Variants in UGT1A8 observed in about 807,000 individuals in gnomAD.
UGT1A8 encodes UDP-glucuronosyltransferase 1A8.
Under a neutral mutation model 45.3 loss-of-function variants are expected in UGT1A8, and 39 were observed. The observed-to-expected ratio is 0.86, with a 90% CI of 0.67 to 1.12. UGT1A8 has a LOEUF of 1.12. Among genes scored for constraint, UGT1A8 ranks in the 50% most tolerant of loss-of-function variants. The probability of loss-of-function intolerance (pLI) is 0.00; values close to 1 mark genes in which losing one functional copy is unlikely to be tolerated. For missense variants in UGT1A8, 719 were observed against 664.9 expected (o/e 1.08, Z -0.90); for synonymous variants, 275 against 249.2 (o/e 1.10, Z -0.97).
At chr2:233,652,464 C>A (rs189975849) in intron 1 of UGT1A8, among the ~76,000 whole-genome samples, 10 of 151,892 alleles carry the variant, frequency 6.6e-5, no homozygotes, top group Non-Finnish European at 1.0e-4. Context: ...CATTCTATCC[C>A]CAAATACTTC....
intron 1 of UGT1A8, among the ~76,000 whole-genome samples, chr2:233,763,357 C>G (rs1698288561): frequency 6.6e-6 from 1 of 152,176 alleles, no homozygotes; most frequent in Non-Finnish European, 1.5e-5. Flanking sequence ...ATCTTTAGTA[C>G]TCCTTTGTCT....
At chr2:233,709,335 C>T (rs1308600702) in intron 1 of UGT1A8, among the ~76,000 whole-genome samples, 1 of 152,154 alleles carries the variant, frequency 6.6e-6, no homozygotes, top group African/African-American at 2.4e-5. Flanking sequence ...ACTAGTTTGT[C>T]ATATAAACCT....
chr2:233,768,154 C>T (rs767452412), intron 3 of UGT1A8, 66 bp from the exon 4 acceptor site: 203 of 1,612,642 alleles, frequency 1.3e-4, no homozygotes, highest in Non-Finnish European at 1.7e-4. Flanking sequence ...TTTTCAGAAC[C>T]TAGATGTGTC....
chr2:233,770,293 A>G (rs1284543381), intron 4 of UGT1A8: 4 of 152,108 alleles, frequency 2.6e-5, no homozygotes, highest in African/African-American at 9.7e-5. Flanking sequence ...GAAGTGGAAA[A>G]TTTTCAAACA....
intron 1 of UGT1A8, among the ~76,000 whole-genome samples, chr2:233,763,126 A>G (rs1210244781): frequency 2.0e-5 from 3 of 152,250 alleles, no homozygotes. Flanking sequence ...CCTTTCTGGC[A>G]TTTATTGATA....
chr2:233,619,483 G>T (rs879845433), intron 1 of UGT1A8, among the ~76,000 whole-genome samples: 2 of 152,032 alleles, frequency 1.3e-5, no homozygotes, highest in Non-Finnish European at 2.9e-5. Flanking sequence ...GGGTTAGAGG[G>T]TTTTCCTGAA....
At chr2:233,680,881 G>A (rs1321743008) in intron 1 of UGT1A8, among the ~76,000 whole-genome samples, 2 of 152,008 alleles carry the variant, frequency 1.3e-5, no homozygotes, top group East Asian at 1.9e-4. Context: ...CAAGCATAGG[G>A]ACGGCGACTC....
At chr2:233,765,745 A>G (rs554567026) in intron 1 of UGT1A8, among the ~76,000 whole-genome samples, 1 of 151,724 alleles carries the variant, frequency 6.6e-6, no homozygotes, top group Non-Finnish European at 1.5e-5. Context: ...AAACCCATAA[A>G]GCCATTTGAG....
intron 1 of UGT1A8, among the ~76,000 whole-genome samples, chr2:233,643,995 C>T (rs566871285): frequency 2.6e-5 from 4 of 152,272 alleles, no homozygotes; most frequent in Admixed American, 2.0e-4. Context: ...TTTGGAGCCG[C>T]AAGCTGTGCA....
At chr2:233,668,301 C>CA (rs1328734524) in intron 1 of UGT1A8, among the ~76,000 whole-genome samples, 5 of 152,118 alleles carry the variant, frequency 3.3e-5, no homozygotes, top group African/African-American at 1.2e-4. Flanking sequence ...TGAGAACATG[C>CA]AATGTTTGGT....
chr2:233,654,757 T>A (rs1575403865), intron 1 of UGT1A8, among the ~76,000 whole-genome samples: 1 of 152,160 alleles, frequency 6.6e-6, no homozygotes, highest in East Asian at 1.9e-4. Flanking sequence ...TTGAACAGAC[T>A]GTTTTAGACC....
At chr2:233,747,282 GC>G in intron 1 of UGT1A8, 1 of 1,600,800 alleles carries the variant, frequency 6.2e-7, no homozygotes, top group Non-Finnish European at 8.5e-7. Context: ...TCAGTGCCCA[GC>G]CCTGGGCTGA....
rs934551202 is a variant in UGT1A8 at position 233,699,876 on chromosome 2, G to A, written c.856-67158G>A. On this transcript the variant is annotated intron_variant, in intron 1 of 4. Coordinates refer to ENST00000373450, the MANE Select transcript of UGT1A8 (RefSeq NM_019076.5). ...AGATATGTCTGAAGACATTTTTGGT[G>A]TTGCAATTGGAGAGGCGAAATAGTC... is the stretch of plus-strand genomic sequence containing the variant. Among the ~76,000 whole-genome samples, 57 of 152,266 alleles carry A rather than the reference G, an allele frequency of 3.7e-4. 1 individual carries two copies. The highest frequency in any genetic ancestry group is 3.9e-4 in the East Asian group (2 of 5,188).
chr2:233,691,825 G>A (rs1224480587), intron 1 of UGT1A8: 1 of 175,252 alleles, frequency 5.7e-6, no homozygotes, highest in African/African-American at 2.4e-5. Context: ...CTAAAGGCAA[G>A]TAACAGTTTG....
chr2:233,737,815 G>A lies in UGT1A8; in HGVS notation c.856-29219G>A, dbSNP rs147002980. Among the ~76,000 whole-genome samples, 731 of 152,128 alleles carry A rather than the reference G, an allele frequency of 4.8e-3. 11 individuals carry two copies. The highest frequency in any genetic ancestry group is 0.017 in the African/African-American group (690 of 41,476). On this transcript the variant is annotated intron_variant, in intron 1 of 4. Coordinates refer to ENST00000373450, the MANE Select transcript of UGT1A8 (RefSeq NM_019076.5). ...AAATCTTCACTATCATCTCAGTGGA[G>A]CAGAACAAATTGGGAACTGTGGCAC...
chr2:233,700,178 C>T (rs1315960228), intron 1 of UGT1A8, among the ~76,000 whole-genome samples: 1 of 152,190 alleles, frequency 6.6e-6, no homozygotes, highest in South Asian at 2.1e-4. Context: ...CTCATTCAGG[C>T]TGAAATCTCA....
intron 1 of UGT1A8, among the ~76,000 whole-genome samples, chr2:233,649,230 G>T (rs982789404): frequency 3.2e-4 from 48 of 152,138 alleles, no homozygotes; most frequent in African/African-American, 1.1e-3. Context: ...GTATACGATT[G>T]GTTAATTGCT....
In UGT1A8 at chr2:233,772,898, G is replaced by C. The variant is rs1042640; in HGVS notation, c.*339G>C. 367,954 of 456,154 alleles carry C rather than the reference G, an allele frequency of 0.81. 148,868 individuals are homozygous for C. Among genetic ancestry groups the C allele is most frequent in the East Asian group, 0.89 (15,034 of 16,914 alleles). The allele number at this position is 456,154 out of a possible 1,614,324, so 28.3% of individuals were successfully genotyped here. On this transcript the variant is annotated 3_prime_UTR_variant, in exon 5 of 5. Coordinates refer to ENST00000373450, the MANE Select transcript of UGT1A8 (RefSeq NM_019076.5). ...GTGCGGGATTCAAAGGTGGTCCCACGGCTGCCCCTACTGCAAATGGCAGTT... is the reference window on the plus strand; with the variant it reads ...GTGCGGGATTCAAAGGTGGTCCCACCGCTGCCCCTACTGCAAATGGCAGTT...
chr2:233,648,701 T>A, intron 1 of UGT1A8: 1 of 400,418 alleles, frequency 2.5e-6, no homozygotes, highest in Non-Finnish European at 4.7e-6. Flanking sequence ...CCTAACCTCG[T>A]GATCCGCCCG....
Sources: allele counts gnomAD v4.1 joint callset (sites outside exome capture counted in the v4.1 genomes callset), GRCh38; gene constraint gnomAD v4.1.1; transcripts MANE v1.5; gene names NCBI Gene and HGNC (gene_info 2026-07-23, HGNC 2026-07-21).